Variants in PPP1R10 observed in about 807,000 individuals in gnomAD.
PPP1R10 encodes protein phosphatase 1 regulatory subunit 10, also known as serine/threonine-protein phosphatase 1 regulatory subunit 10.
Under a neutral mutation model 99.0 loss-of-function variants are expected in PPP1R10, and 15 were observed. The observed-to-expected ratio is 0.15, with a 90% CI of 0.10 to 0.23. The LOEUF (loss-of-function observed/expected upper bound fraction) is 0.23. PPP1R10 is among the 10% of genes least tolerant of loss of function. PPP1R10 has a pLI of 1.00. For missense variants in PPP1R10, 947 were observed against 1,259.4 expected (o/e 0.75, Z 3.75); for synonymous variants, 430 against 449.5 (o/e 0.96, Z 0.55).
chr6:30,616,590 G>A lies in PPP1R10; in HGVS notation c.-124C>T, dbSNP rs1403720370. The A allele has an allele frequency of 2.6e-5, 4 of 152,020 alleles. No homozygotes were observed. Among genetic ancestry groups the A allele is most frequent in the Non-Finnish European group, 5.9e-5 (4 of 68,008 alleles). 9.4% of individuals were successfully genotyped at this position (152,020 alleles called of 1,614,324 possible). On this transcript the variant is annotated 5_prime_UTR_variant, in exon 2 of 20. Coordinates refer to ENST00000376511, the MANE Select transcript of PPP1R10 (RefSeq NM_002714.4). ...GACCCAAAACTCAATTATTTAGGGG[G>A]CCTCATTGGATCAAAAAGTCTTTTA... is the stretch of plus-strand genomic sequence containing the variant.
intron 10 of PPP1R10, among the ~76,000 whole-genome samples, chr6:30,605,483 A>T (rs1281960120): frequency 6.6e-6 from 1 of 152,182 alleles, no homozygotes; most frequent in Non-Finnish European, 1.5e-5. Context: ...AGTAAGGGAT[A>T]CCAAGAAATC....
chr6:30,609,923 G>C lies in PPP1R10; in HGVS notation c.22C>G (p.Pro8Ala). MGSGPID[P>A]KELLKGLDSF... ...TCCAGGCCCTTGAGAAGTTCTTTGGGGTCTATGGGACCCGAACCCATGATG... is the reference window on the plus strand; with the variant it reads ...TCCAGGCCCTTGAGAAGTTCTTTGGCGTCTATGGGACCCGAACCCATGATG... Residue 8 changes from proline (P) to alanine (A), a missense_variant, in exon 3 of 20, where the codon CCC becomes GCC. Coordinates refer to ENST00000376511, the MANE Select transcript of PPP1R10 (RefSeq NM_002714.4). The surrounding 1 kb of genome is among the most constrained non-coding windows in gnomAD (Gnocchi z 4.5). 1.2e-6 allele frequency: 2 copies of C among 1,613,952 alleles called. No individual in the cohort carries two copies. The highest frequency in any genetic ancestry group is 1.7e-5 in the Admixed American group (1 of 59,992).
rs951508082 is a variant in PPP1R10, at chr6:30,601,274, C to T, written c.*275G>A. Reference sequence around the variant, plus strand: ...CTGGAAAGGGGTTTGGGGTACAGGGCGAATCTTCTCAAAAAGTGAAGCCAA... The same window carrying T: ...CTGGAAAGGGGTTTGGGGTACAGGGTGAATCTTCTCAAAAAGTGAAGCCAA... On this transcript the variant is annotated 3_prime_UTR_variant, in exon 20 of 20. Transcript: ENST00000376511. 1.8e-5 allele frequency: 9 copies of T among 499,022 alleles called. No homozygotes were observed. The highest frequency in any genetic ancestry group is 9.6e-5 in the African/African-American group (5 of 52,246). 30.9% of individuals were successfully genotyped at this position (499,022 alleles called of 1,614,324 possible).
chr6:30,606,211 C>A lies in PPP1R10; in HGVS notation c.667G>T (p.Val223Leu). ...LELETPSLVP[V>L]KKNASTVVVS... ...ACCACTGTGCTGGCATTCTTCTTCA[C>A]AGGCACCAAGGATGGTGTCTCCAGC... Residue 223 changes from valine (V) to leucine (L), a missense_variant, in exon 9 of 20, where the codon GTG (valine) becomes TTG (leucine). Physicochemically the swap from Val to Leu is conservative, Grantham distance 32 (BLOSUM62 1). Around this residue, in one of 10 missense-constraint regions of PPP1R10, gnomAD observed 92 missense variants for 159.2 expected, o/e 0.58. Transcript: ENST00000376511. This position sits in a 1 kb window ranked among gnomAD's most constrained non-coding sequence, Gnocchi z 6.3. 6.2e-7 allele frequency: 1 copy of A among 1,614,198 alleles called. No homozygotes were observed. The highest frequency in any genetic ancestry group is 8.5e-7 in the Non-Finnish European group (1 of 1,180,050).
rs1470083537 is a variant in PPP1R10 at position 30,602,698 on chromosome 6, G to A, written c.1958-7C>T. ...CCAGGGCCTCCATGGGGACCTGTAA[G>A]GGGACAAAAAAGAGAGACAGTATCA... On this transcript the variant is annotated splice_polypyrimidine_tract_variant and splice_region_variant and intron_variant, in intron 18 of 19. Coordinates refer to ENST00000376511, the MANE Select transcript of PPP1R10 (RefSeq NM_002714.4). The surrounding 1 kb of genome is among the most constrained non-coding windows in gnomAD (Gnocchi z 6.7). 1.9e-6 allele frequency: 3 copies of A among 1,605,240 alleles called. No individual in the cohort carries two copies. The highest frequency in any genetic ancestry group is 3.4e-5 in the Admixed American group (2 of 58,830).
intron 2 of PPP1R10, among the ~76,000 whole-genome samples, chr6:30,612,369 G>A (rs1340534982): frequency 6.6e-6 from 1 of 152,120 alleles, no homozygotes; most frequent in Non-Finnish European, 1.5e-5. Context: ...TTCCTTAAGA[G>A]GATGGGAGAC....
Position 30,601,683 on chromosome 6 carries a change from TAGAC to T in PPP1R10, c.2714-29_2714-26del, listed in dbSNP as rs749167334. The T allele has an allele frequency of 2.2e-5, 36 of 1,603,166 alleles. No individual in the cohort carries two copies. In the Middle Eastern group the frequency reaches 8.3e-4, roughly 37 times the overall value. On this transcript the variant is annotated intron_variant, in intron 19 of 19. Coordinates refer to ENST00000376511, the MANE Select transcript of PPP1R10 (RefSeq NM_002714.4). ...TCTGTGGGAACGATGGCAAAACAGT[TAGAC>T]AGGAAATAGCTGAGGGCAATGCCAC... is the stretch of plus-strand genomic sequence containing the variant.
At chr6:30,614,512 T>G (rs1436113277) in intron 2 of PPP1R10, 7 of 152,168 alleles carry the variant, frequency 4.6e-5, no homozygotes, top group Non-Finnish European at 1.0e-4. Context: ...GAGGTGGGAA[T>G]GAGGGCGATT....
intron 2 of PPP1R10, among the ~76,000 whole-genome samples, chr6:30,615,708 T>C (rs1437683188): frequency 1.3e-5 from 2 of 152,148 alleles, no homozygotes; most frequent in South Asian, 2.1e-4. Flanking sequence ...CACCAAAAAA[T>C]ATCAAGTTAA....
chr6:30,607,850 A>G lies in PPP1R10; in HGVS notation c.372T>C (p.Ser124=), dbSNP rs1363269726. 2 of 1,613,042 alleles carry G rather than the reference A, an allele frequency of 1.2e-6. No homozygotes were observed. The highest frequency in any genetic ancestry group is 2.2e-5 in the South Asian group (2 of 91,084). ...AKLVKQLSKS[S]EDEELRKLAS... Reference sequence around the variant, plus strand: ...GAAGTGGCACCCTACCTTCATCCTCACTTGACTTGCTCAGCTGCTTCACCA... The same window carrying G: ...GAAGTGGCACCCTACCTTCATCCTCGCTTGACTTGCTCAGCTGCTTCACCA... The change falls in exon 6 of 20, where the codon AGT becomes AGC. Residue 124 remains serine (S), a synonymous_variant. Coordinates refer to ENST00000376511, the MANE Select transcript of PPP1R10 (RefSeq NM_002714.4).
rs190640153 is a variant in PPP1R10 at position 30,601,356 on chromosome 6, G to A, written c.*193C>T. 50 of 586,806 alleles carry A rather than the reference G, an allele frequency of 8.5e-5. No individual in the cohort carries two copies. The East Asian group carries it at 1.4e-3, about 16-fold the overall frequency. The allele number at this position is 586,806 out of a possible 1,614,324, so 36.3% of individuals were successfully genotyped here. On this transcript the variant is annotated 3_prime_UTR_variant, in exon 20 of 20. Transcript: ENST00000376511. ...TTCCAGTCTCTCTCCTCCCCAGACT[G>A]GAGGAAAATATGTACATCAATGCGC...
Position 30,602,908 on chromosome 6 carries a change from C to T in PPP1R10, c.1895G>A (p.Gly632Glu). Residue 632 changes from glycine (G) to glutamate (E), a missense_variant, in exon 18 of 20, where the codon GGG (glycine) becomes GAG (glutamate). By Grantham distance (98) the Gly-to-Glu change is moderately conservative. Transcript: ENST00000376511. This position sits in a 1 kb window ranked among gnomAD's most constrained non-coding sequence, Gnocchi z 6.7. ...PGPIANGFPPGGPGGPKGMQH... is the reference protein window; with the variant it reads ...PGPIANGFPPEGPGGPKGMQH... ...CATGCCCTTGGGGCCCCCAGGACCC[C>T]CTGGTGGGAAACCATTGGCTATTGG... 1 of 1,532,406 alleles carries T rather than the reference C, an allele frequency of 6.5e-7. No homozygotes were observed. The highest frequency in any genetic ancestry group is 8.8e-7 in the Non-Finnish European group (1 of 1,130,350). 94.9% of individuals were successfully genotyped at this position (1,532,406 alleles called of 1,614,324 possible).
chr6:30,612,023 A>C (rs1285526113), intron 2 of PPP1R10, among the ~76,000 whole-genome samples: 2 of 152,234 alleles, frequency 1.3e-5, no homozygotes, highest in African/African-American at 4.8e-5. Flanking sequence ...AACAGATATC[A>C]CATCTGTTGG....
Position 30,606,296 on chromosome 6 carries a change from ATT to A in PPP1R10, c.635-55_635-54del. ...CTGAACTCAAACCCCAGACCCCCGA[ATT>A]TTCCTCCCGTTCTCACCCGCAAATG... On this transcript the variant is annotated intron_variant, in intron 8 of 19. Transcript: ENST00000376511. This position sits in a 1 kb window ranked among gnomAD's most constrained non-coding sequence, Gnocchi z 6.3. 1 of 1,598,298 alleles carries A rather than the reference ATT, an allele frequency of 6.3e-7. No individual in the cohort carries two copies. Among genetic ancestry groups the A allele is most frequent in the Non-Finnish European group, 8.6e-7 (1 of 1,168,982 alleles).
intron 2 of PPP1R10, among the ~76,000 whole-genome samples, chr6:30,615,928 C>G (rs1760467027): frequency 6.6e-6 from 1 of 152,100 alleles, no homozygotes; most frequent in African/African-American, 2.4e-5. Context: ...GAGGATTTAA[C>G]AGTCATTTAA....
At chr6:30,615,057 C>T (rs985174716) in intron 2 of PPP1R10, among the ~76,000 whole-genome samples, 1 of 152,122 alleles carries the variant, frequency 6.6e-6, no homozygotes, top group Non-Finnish European at 1.5e-5. Context: ...TTCAAGGCTG[C>T]TCCTCCCACT....
intron 5 of PPP1R10, 50 bp downstream of exon 5, chr6:30,608,729 A>G (rs372851837): frequency 3.8e-6 from 6 of 1,590,304 alleles, no homozygotes; most frequent in African/African-American, 1.3e-5. Flanking sequence ...TTTTTCATCC[A>G]TTAGACTAAA....
Position 30,603,780 on chromosome 6 carries a change from C to A in PPP1R10, c.1572G>T (p.Glu524Asp). 6.5e-7 allele frequency: 1 copy of A among 1,542,156 alleles called. No individual in the cohort carries two copies. The change falls in exon 15 of 20, where the codon GAG (glutamate) becomes GAT (aspartate). Residue 524 changes from glutamate (E) to aspartate (D), a missense_variant and splice_region_variant. Physicochemically the swap from Glu to Asp is conservative, Grantham distance 45. This residue lies in a region of PPP1R10 where 525 missense variants were observed against 578.8 expected (regional missense o/e 0.91). Coordinates refer to ENST00000376511, the MANE Select transcript of PPP1R10 (RefSeq NM_002714.4). ...CCATCATCACAGAACATTGACTTACCTCATCTAGGGGGATGAGTTTAGGGG... is the reference window on the plus strand; with the variant it reads ...CCATCATCACAGAACATTGACTTACATCATCTAGGGGGATGAGTTTAGGGG... Reference protein sequence around the residue: ...PIPPKLIPLDEECSMDETPYV... With the variant: ...PIPPKLIPLDDECSMDETPYV...
At chr6:30,605,686 C>G in intron 10 of PPP1R10, 1 of 482,348 alleles carries the variant, frequency 2.1e-6, no homozygotes, top group South Asian at 2.5e-5. Flanking sequence ...TGGTGAAACC[C>G]CATCTCTACT....
Sources: gnomAD v4.1 joint callset for allele counts (sites outside exome capture counted in the v4.1 genomes callset) on GRCh38, gnomAD v4.1.1 for gene constraint, gnomAD v4.1.1 regional missense constraint, Gnocchi (gnomAD v3.1) non-coding constraint, MANE v1.5 for transcripts, NCBI Gene and HGNC (gene_info 2026-07-23, HGNC 2026-07-21) for gene names.